The following KCNQ3 variants were observed in gnomAD, a reference collection of about 807,000 sequenced individuals.
The protein encoded by KCNQ3 is potassium voltage-gated channel subfamily KQT member 3.
KCNQ3 carries 30 observed loss-of-function variants against 92.5 expected under a neutral mutation model. The observed-to-expected ratio is 0.32, with a 90% confidence interval of 0.24 to 0.44. The LOEUF (loss-of-function observed/expected upper bound fraction) is 0.44, where lower values mean the gene tolerates loss of function less well. Among genes scored for constraint, KCNQ3 ranks in the 20% least tolerant of loss-of-function variants. The pLI, the probability that KCNQ3 is intolerant of heterozygous loss-of-function variation, is 1.00. For missense variants in KCNQ3, 913 were observed against 1,140.3 expected, an observed-to-expected ratio of 0.80 and a Z score of 2.87; for synonymous variants, 450 against 468.8, an observed-to-expected ratio of 0.96 and a Z score of 0.52.
At chr8:132,379,005 C>T (rs918914481) in intron 1 of KCNQ3, among the ~76,000 whole-genome samples, 3 of 152,164 alleles carry the variant, frequency 2.0e-5, no homozygotes, top group Non-Finnish European at 2.9e-5. Context: ...AGTTATTGAA[C>T]GTTGAGTTAA....
At chr8:132,411,102 G>C (rs772516693) in intron 1 of KCNQ3, among the ~76,000 whole-genome samples, 13 of 152,228 alleles carry the variant, frequency 8.5e-5, no homozygotes, top group Non-Finnish European at 1.6e-4. Flanking sequence ...CATGGAGCAG[G>C]CTGCTGAAAA....
At chr8:132,284,766 A>C (rs1238018986) in intron 1 of KCNQ3, among the ~76,000 whole-genome samples, 1 of 152,244 alleles carries the variant, frequency 6.6e-6, no homozygotes, top group Non-Finnish European at 1.5e-5. Context: ...TTAATTGCCA[A>C]TGTGACAATG....
rs373461879 is a variant in KCNQ3, at chr8:132,402,741, G to A, written c.386+77406C>T. 1.1e-4 allele frequency among the ~76,000 whole-genome samples: 17 copies of A among 152,060 alleles called. No individual in the cohort carries two copies. In the East Asian group the frequency reaches 1.9e-3, roughly 17 times the overall value. ...TTAGTAAATAATAATGTATTGGCCC[G>A]GCGCGGTGGCTCATGCCTGTAATCC... On this transcript the variant is annotated intron_variant, in intron 1 of 14. Coordinates refer to ENST00000388996, the MANE Select transcript of KCNQ3 (RefSeq NM_004519.4).
chr8:132,327,972 C>T (rs1818108794), intron 1 of KCNQ3, among the ~76,000 whole-genome samples: 1 of 152,072 alleles, frequency 6.6e-6, no homozygotes, highest in Non-Finnish European at 1.5e-5. Context: ...GGGCCTTAAT[C>T]TCCAGACTCT....
chr8:132,303,865 C>T (rs951787785), intron 1 of KCNQ3, among the ~76,000 whole-genome samples: 1 of 149,326 alleles, frequency 6.7e-6, no homozygotes, highest in African/African-American at 2.5e-5. Flanking sequence ...TATATATACA[C>T]ACATATATAT....
At chr8:132,183,378 C>T (rs1826856276) in intron 3 of KCNQ3, among the ~76,000 whole-genome samples, 1 of 152,110 alleles carries the variant, frequency 6.6e-6, no homozygotes, top group African/African-American at 2.4e-5. Flanking sequence ...TGACTAGGGG[C>T]ATGCAAGCAG....
At chr8:132,380,683 C>A (rs1819723809) in intron 1 of KCNQ3, among the ~76,000 whole-genome samples, 1 of 152,032 alleles carries the variant, frequency 6.6e-6, no homozygotes, top group Non-Finnish European at 1.5e-5. Context: ...TCCCTCCCTC[C>A]CTCCCAGGGA....
rs145155623 is a variant in KCNQ3 at position 132,278,934 on chromosome 8, C to T, written c.387-92753G>A. On this transcript the variant is annotated intron_variant, in intron 1 of 14. Coordinates refer to ENST00000388996, the MANE Select transcript of KCNQ3 (RefSeq NM_004519.4). ...GGGGCTTCATAAAAAAGTGCACATC[C>T]GTCAGGGGCGGTGACTCACGTCTGT... 3.8e-3 allele frequency among the ~76,000 whole-genome samples: 578 copies of T among 152,094 alleles called. 5 individuals carry two copies. The highest frequency in any genetic ancestry group is 0.013 in the African/African-American group (534 of 41,520).
At chr8:132,346,985 C>T (rs1012309850) in intron 1 of KCNQ3, among the ~76,000 whole-genome samples, 20 of 152,100 alleles carry the variant, frequency 1.3e-4, no homozygotes, top group Non-Finnish European at 2.4e-4. Flanking sequence ...GTTTCGACGG[C>T]GTTGAATGGA....
At chr8:132,195,432 C>T (rs935735363) in intron 1 of KCNQ3, among the ~76,000 whole-genome samples, 6 of 152,208 alleles carry the variant, frequency 3.9e-5, no homozygotes, top group Non-Finnish European at 7.3e-5. Context: ...GGCAGATATC[C>T]TCATGTCCCC....
intron 1 of KCNQ3, among the ~76,000 whole-genome samples, chr8:132,477,582 A>G (rs1168953448): frequency 6.6e-6 from 1 of 152,232 alleles, no homozygotes; most frequent in Non-Finnish European, 1.5e-5. Context: ...GTATGCTTCA[A>G]TATTAGGAGC....
At chr8:132,246,549 T>C (rs557668720) in intron 1 of KCNQ3, among the ~76,000 whole-genome samples, 2 of 152,358 alleles carry the variant, frequency 1.3e-5, no homozygotes, top group Admixed American at 6.5e-5. Flanking sequence ...ACAAGCCTGA[T>C]TGCTGCCATG....
At chr8:132,163,407 A>G (rs1826050285) in intron 9 of KCNQ3, 61 bp downstream of exon 9, 5 of 1,407,182 alleles carry the variant, frequency 3.6e-6, no homozygotes, top group Non-Finnish European at 4.0e-6. Context: ...CACCATATGG[A>G]GCAGGATGCT....
At chr8:132,307,934 G>A (rs1586914588) in intron 1 of KCNQ3, among the ~76,000 whole-genome samples, 1 of 152,100 alleles carries the variant, frequency 6.6e-6, no homozygotes, top group East Asian at 1.9e-4. Flanking sequence ...ACAGAAATGT[G>A]TCCACCAGCT....
chr8:132,452,461 G>C (rs1587035043), intron 1 of KCNQ3, among the ~76,000 whole-genome samples: 1 of 152,314 alleles, frequency 6.6e-6, no homozygotes, highest in South Asian at 2.1e-4. Flanking sequence ...CCATGCACAT[G>C]CTGCTTTATC....
chr8:132,352,265 G>A (rs923961567), intron 1 of KCNQ3, among the ~76,000 whole-genome samples: 11 of 152,084 alleles, frequency 7.2e-5, no homozygotes, highest in African/African-American at 2.7e-4. Flanking sequence ...AGAAATAGGG[G>A]ACAAAGGGAT....
chr8:132,452,204 C>A (rs536988951), intron 1 of KCNQ3, among the ~76,000 whole-genome samples: 1 of 152,256 alleles, frequency 6.6e-6, no homozygotes, highest in East Asian at 1.9e-4. Flanking sequence ...CATTTTCATC[C>A]CCCCAAAATG....
At position 132,221,113 on chromosome 8, in the gene KCNQ3, A is replaced by G. The variant is rs118068019; in HGVS notation, c.387-34932T>C. 3.8e-3 allele frequency among the ~76,000 whole-genome samples: 575 copies of G among 152,312 alleles called. 3 individuals are homozygous for G. The highest frequency in any genetic ancestry group is 6.3e-3 in the Non-Finnish European group (431 of 68,022). On this transcript the variant is annotated intron_variant, in intron 1 of 14. Transcript: ENST00000388996. ...TAGTTTGCTCAGAATGATGGTATACAGCTGCATCCATGTCCCTGCAAAGGA... is the reference window on the plus strand; with the variant it reads ...TAGTTTGCTCAGAATGATGGTATACGGCTGCATCCATGTCCCTGCAAAGGA...
intron 7 of KCNQ3, among the ~76,000 whole-genome samples, chr8:132,171,513 C>T (rs1367585620): frequency 6.6e-6 from 1 of 152,220 alleles, no homozygotes; most frequent in Admixed American, 6.5e-5. Context: ...TCACCTCTCA[C>T]TGCTCCCTGC....
Sources: gnomAD v4.1 joint callset for allele counts (sites outside exome capture counted in the v4.1 genomes callset) on GRCh38, gnomAD v4.1.1 for gene constraint, MANE v1.5 for transcripts, NCBI Gene and HGNC (gene_info 2026-07-23, HGNC 2026-07-21) for gene names.